Variants in PRAMEF17 observed in about 807,000 individuals in gnomAD.
The protein encoded by PRAMEF17 is PRAME family member 17.
PRAMEF17 carries 48 observed loss-of-function variants against 36.8 expected under a neutral mutation model. That is an observed-to-expected ratio of 1.30 (90% CI 1.03 to 1.66). PRAMEF17 has a LOEUF of 1.66. Ranked by LOEUF, PRAMEF17 falls within the 40% of genes most tolerant of loss-of-function variation. The pLI, the probability that PRAMEF17 is intolerant of heterozygous loss-of-function variation, is 0.00. For synonymous variants in PRAMEF17, 246 were observed against 220.4 expected (o/e 1.12, Z -1.03); for missense variants, 639 against 560.6 (o/e 1.14, Z -1.41).
At chr1:13,390,073 C>T (rs1640859465) in intron 1 of PRAMEF17, 129 bp downstream of exon 1, 2 of 1,437,610 alleles carry the variant, frequency 1.4e-6, no homozygotes, top group South Asian at 2.6e-5. Flanking sequence ...CATGAGAGAC[C>T]TTGACCATTG....
rs1439114230 is a variant in PRAMEF17, at chr1:13,392,589, T to C, written c.*87T>C. The C allele has an allele frequency of 1.6e-5, 25 of 1,567,478 alleles. No homozygotes were observed. Among genetic ancestry groups the C allele is most frequent in the Non-Finnish European group, 2.2e-5 (25 of 1,160,516 alleles). ...GACACAGGTGGGTTTTTTTGTTTTT[T>C]TGTTTTTTTTTTGATGGAGTCTCGC... On this transcript the variant is annotated 3_prime_UTR_variant, in exon 3 of 3. Coordinates refer to ENST00000376098, the MANE Select transcript of PRAMEF17 (RefSeq NM_001099851.3).
chr1:13,390,397 T>C lies in PRAMEF17; in HGVS notation c.344T>C (p.Ile115Thr). ...GATGTTGATGGGAATTTCTGGACTA[T>C]ATGGTCTGGAGCCAGGGCCCTCTCC... Reference protein sequence around the residue: ...LRDVDGNFWTIWSGARALSCS... With the variant: ...LRDVDGNFWTTWSGARALSCS... The change falls in exon 2 of 3, where the codon ATA becomes ACA. Residue 115 changes from isoleucine (I) to threonine (T), a missense_variant. Transcript: ENST00000376098. 1.2e-6 allele frequency: 2 copies of C among 1,611,948 alleles called. No homozygotes were observed. Among genetic ancestry groups the C allele is most frequent in the Non-Finnish European group, 1.7e-6 (2 of 1,179,846 alleles).
Position 13,390,778 on chromosome 1 carries a change from G to A in PRAMEF17, c.725G>A (p.Gly242Asp). The A allele has an allele frequency of 6.2e-7, 1 of 1,612,004 alleles. No homozygotes were observed. Among genetic ancestry groups the A allele is most frequent in the Non-Finnish European group, 8.5e-7 (1 of 1,179,854 alleles). Reference sequence around the variant, plus strand: ...CTTCGCAAACTCTTTTTAGCCTTCGGTTATGACGATGAGTTATATGTAAGC... The same window carrying A: ...CTTCGCAAACTCTTTTTAGCCTTCGATTATGACGATGAGTTATATGTAAGC... Reference protein sequence around the residue: ...SNLRKLFLAFGYDDELYVSGQ... With the variant: ...SNLRKLFLAFDYDDELYVSGQ... The change falls in exon 2 of 3, where the codon GGT (glycine) becomes GAT (aspartate). Residue 242 changes from glycine (G) to aspartate (D), a missense_variant. Physicochemically the swap from Gly to Asp is moderately conservative, Grantham distance 94 (BLOSUM62 -1). Transcript: ENST00000376098.
Position 13,390,790 on chromosome 1 carries a change from A to G in PRAMEF17, c.737A>G (p.Glu246Gly). The change falls in exon 2 of 3, where the codon GAG becomes GGG. Residue 246 changes from glutamate to glycine, a missense_variant. By Grantham distance (98) the Glu-to-Gly change is moderately conservative. Coordinates refer to ENST00000376098, the MANE Select transcript of PRAMEF17 (RefSeq NM_001099851.3). ...KLFLAFGYDDELYVSGQQQFV... is the reference protein window; with the variant it reads ...KLFLAFGYDDGLYVSGQQQFV... Reference sequence around the variant, plus strand: ...TTTTTAGCCTTCGGTTATGACGATGAGTTATATGTAAGCGGCCAACAGCAG... The same window carrying G: ...TTTTTAGCCTTCGGTTATGACGATGGGTTATATGTAAGCGGCCAACAGCAG... The G allele has an allele frequency of 5.0e-6, 8 of 1,611,972 alleles. No individual in the cohort carries two copies. The highest frequency in any genetic ancestry group is 6.8e-6 in the Non-Finnish European group (8 of 1,179,840).
At chr1:13,391,901 C>T (rs3013097) in intron 2 of PRAMEF17, 43 bp from the exon 3 acceptor site, 276,544 of 1,517,142 alleles carry the variant, frequency 0.18, 31,254 homozygotes, top group East Asian at 0.2. Flanking sequence ...CCCCCTCCTC[C>T]AACTGGCACC....
intron 1 of PRAMEF17, 120 bp downstream of exon 1, chr1:13,390,064 A>C: frequency 6.7e-7 from 1 of 1,495,574 alleles, no homozygotes. Flanking sequence ...GATGGTGCCC[A>C]TGAGAGACCT....
rs61732903 is a variant in PRAMEF17 at position 13,392,268 on chromosome 1, G to T, written c.1191G>T (p.Leu397=). 276 of 1,611,998 alleles carry T rather than the reference G, an allele frequency of 1.7e-4. No homozygotes were observed. The highest frequency in any genetic ancestry group is 1.2e-3 in the African/African-American group (93 of 74,980). Residue 397 remains leucine, a synonymous_variant, in exon 3 of 3, where the codon CTG becomes CTT. Transcript: ENST00000376098. ...CCTCCACGAATGCTCTGAAAGACCTGCTGTGTCACACAGGTGGGCTGAGCA... is the reference window on the plus strand; with the variant it reads ...CCTCCACGAATGCTCTGAAAGACCTTCTGTGTCACACAGGTGGGCTGAGCA... ...NETSTNALKD[L]LCHTGGLSKL...
chr1:13,392,368 G>T lies in PRAMEF17; in HGVS notation c.1291G>T (p.Ala431Ser). ...NRGHVNWEIL[A>S]PIRAELMCTL... ...GGGTCATGTCAATTGGGAGATCCTC[G>T]CCCCAATTCGGGCTGAGCTGATGTG... Residue 431 changes from alanine to serine, a missense_variant, in exon 3 of 3, where the codon GCC becomes TCC. Physicochemically the swap from Ala to Ser is moderately conservative, Grantham distance 99 (BLOSUM62 1). Transcript: ENST00000376098. The T allele has an allele frequency of 6.2e-7, 1 of 1,611,908 alleles. No homozygotes were observed. Among genetic ancestry groups the T allele is most frequent in the Non-Finnish European group, 8.5e-7 (1 of 1,179,840 alleles).
At chr1:13,390,023 G>A in intron 1 of PRAMEF17, 79 bp downstream of exon 1, 2 of 1,604,144 alleles carry the variant, frequency 1.2e-6, no homozygotes, top group Non-Finnish European at 8.5e-7. Flanking sequence ...GAGTGGTGGG[G>A]TTGGGGAGCT....
rs1640867836 is a variant in PRAMEF17 at position 13,390,629 on chromosome 1, T to G, written c.576T>G (p.Thr192=). 2 of 1,611,884 alleles carry G rather than the reference T, an allele frequency of 1.2e-6. No homozygotes were observed. The highest frequency in any genetic ancestry group is 3.3e-5 in the Admixed American group (2 of 59,982). The stretch of plus-strand genomic sequence containing the variant: ...AGGTGCAGAATTACTCAATGCCCAC[T>G]TCAAGTTTCAGAAATTTATTGAAAA... ...CNKVQNYSMP[T]SSFRNLLKRV... is the part of the protein sequence containing the mutation. The change falls in exon 2 of 3, where the codon ACT becomes ACG. Residue 192 remains threonine (T), a synonymous_variant. Coordinates refer to ENST00000376098, the MANE Select transcript of PRAMEF17 (RefSeq NM_001099851.3).
At chr1:13,391,049 G>A (rs2100407182) in intron 2 of PRAMEF17, 130 bp downstream of exon 2, 2 of 1,370,554 alleles carry the variant, frequency 1.5e-6, no homozygotes, top group Non-Finnish European at 2.0e-6. Context: ...ACGCTAGAAT[G>A]TCAACTCATT....
At chr1:13,390,213 G>T in intron 1 of PRAMEF17, 128 bp from the exon 2 acceptor site, 1 of 1,481,950 alleles carries the variant, frequency 6.7e-7, no homozygotes, top group Non-Finnish European at 9.3e-7. Flanking sequence ...GAGCGGGATG[G>T]AGAAGAGACA....
chr1:13,391,849 C>T, intron 2 of PRAMEF17, 95 bp from the exon 3 acceptor site: 1 of 1,544,080 alleles, frequency 6.5e-7, no homozygotes, highest in Non-Finnish European at 8.9e-7. Flanking sequence ...TGCAGAATTA[C>T]TCAATGCCCA....
At chr1:13,391,357 T>C (rs1229765898) in intron 2 of PRAMEF17, among the ~76,000 whole-genome samples, 2 of 152,216 alleles carry the variant, frequency 1.3e-5, no homozygotes, top group Middle Eastern at 3.2e-3. Flanking sequence ...AATGAACCTG[T>C]CTCTAATTCC....
chr1:13,390,024 T>G (rs1381443084), intron 1 of PRAMEF17, 80 bp downstream of exon 1: 1 of 1,602,832 alleles, frequency 6.2e-7, no homozygotes, highest in Non-Finnish European at 8.5e-7. Flanking sequence ...AGTGGTGGGG[T>G]TGGGGAGCTA....
Position 13,390,914 on chromosome 1 carries a change from G to A in PRAMEF17, c.861G>A (p.Leu287=), listed in dbSNP as rs1557468484. ...ISNIKEHLEH[L]LRCLKNPLGT... Reference sequence around the variant, plus strand: ...ATATCAAAGAGCACCTGGAGCACCTGCTCAGGTAAGAAAGGATGGTGAGCT... The same window carrying A: ...ATATCAAAGAGCACCTGGAGCACCTACTCAGGTAAGAAAGGATGGTGAGCT... Residue 287 remains leucine, a synonymous_variant, in exon 2 of 3, where the codon CTG becomes CTA. Transcript: ENST00000376098. 5.6e-6 allele frequency: 9 copies of A among 1,611,906 alleles called. No individual in the cohort carries two copies. In the African/African-American group the frequency reaches 6.7e-5, roughly 12 times the overall value.
chr1:13,392,271 G>C lies in PRAMEF17; in HGVS notation c.1194G>C (p.Leu398=). ...CCACGAATGCTCTGAAAGACCTGCT[G>C]TGTCACACAGGTGGGCTGAGCAAGT... ...ETSTNALKDL[L]CHTGGLSKLG... is the part of the protein sequence containing the mutation. Residue 398 remains leucine, a synonymous_variant, in exon 3 of 3, where the codon CTG becomes CTC. Coordinates refer to ENST00000376098, the MANE Select transcript of PRAMEF17 (RefSeq NM_001099851.3). 6.2e-7 allele frequency: 1 copy of C among 1,612,016 alleles called. No homozygotes were observed.
chr1:13,392,296 T>G lies in PRAMEF17; in HGVS notation c.1219T>G (p.Leu407Val). The G allele has an allele frequency of 1.9e-6, 3 of 1,612,020 alleles. No individual in the cohort carries two copies. Among genetic ancestry groups the G allele is most frequent in the Non-Finnish European group, 2.5e-6 (3 of 1,179,864 alleles). ...GTGTCACACAGGTGGGCTGAGCAAG[T>G]TAGGTCTGGAGTTGTATCCTGCCCC... ...LLCHTGGLSKLGLELYPAPLE... is the reference protein window; with the variant it reads ...LLCHTGGLSKVGLELYPAPLE... Residue 407 changes from leucine (L) to valine (V), a missense_variant, in exon 3 of 3, where the codon TTA becomes GTA. Transcript: ENST00000376098.
Position 13,390,546 on chromosome 1 carries a change from A to G in PRAMEF17, c.493A>G (p.Ser165Gly). The change falls in exon 2 of 3, where the codon AGC (serine) becomes GGC (glycine). Residue 165 changes from serine (S) to glycine (G), a missense_variant. Physicochemically the swap from Ser to Gly is moderately conservative, Grantham distance 56. Transcript: ENST00000376098. ...GGAAAGTACACTGGATGAATGCCTG[A>G]GCTACCTCTGCAGGTGGATCCACTA... is the stretch of plus-strand genomic sequence containing the variant. ...QKESTLDECL[S>G]YLCRWIHYRR... is the part of the protein sequence containing the mutation. The G allele has an allele frequency of 6.2e-7, 1 of 1,611,986 alleles. No individual in the cohort carries two copies.
Sources: allele counts gnomAD v4.1 joint callset (sites outside exome capture counted in the v4.1 genomes callset), GRCh38; gene constraint gnomAD v4.1.1; transcripts MANE v1.5; gene names NCBI Gene and HGNC (gene_info 2026-07-23, HGNC 2026-07-21).